LPIN2: variants seen among roughly 807,000 people sequenced by gnomAD.
LPIN2 encodes the protein phosphatidate phosphatase LPIN2.
Under a neutral mutation model 111.4 loss-of-function variants are expected in LPIN2, and 55 were observed. That is an observed-to-expected ratio of 0.49 (90% CI 0.40 to 0.62). The LOEUF (loss-of-function observed/expected upper bound fraction) is 0.62, where lower values mean the gene tolerates loss of function less well. Among genes scored for constraint, LPIN2 ranks in the 20% least tolerant of loss-of-function variants. The pLI, the probability that LPIN2 is intolerant of heterozygous loss-of-function variation, is 0.00. For synonymous variants in LPIN2, 425 were observed against 414.0 expected, an observed-to-expected ratio of 1.03 and a Z score of -0.32; for missense variants, 992 against 1,112.1, an observed-to-expected ratio of 0.89 and a Z score of 1.54.
intron 1 of LPIN2, chr18:2,990,846 C>T (rs2078254744): frequency 2.3e-6 from 1 of 435,314 alleles, no homozygotes; most frequent in South Asian, 1.8e-5. Context: ...CTGTTCCCCG[C>T]CGGCAGGGAC....
intron 1 of LPIN2, among the ~76,000 whole-genome samples, chr18:2,999,335 G>A (rs1269996208): frequency 6.6e-6 from 1 of 151,968 alleles, no homozygotes; most frequent in South Asian, 2.1e-4. Flanking sequence ...CGTGGCCCAC[G>A]CCTGTAATCC....
rs544570644 is a variant in LPIN2, at chr18:2,918,779, C to T, written c.*1514G>A. Reference sequence around the variant, plus strand: ...CTCCAATCTGGAAAAATAACCACCCCTATTTCTCTATCTCTAGATCAGCAT... The same window carrying T: ...CTCCAATCTGGAAAAATAACCACCCTTATTTCTCTATCTCTAGATCAGCAT... On this transcript the variant is annotated 3_prime_UTR_variant, in exon 20 of 20. Coordinates refer to ENST00000677752, the MANE Select transcript of LPIN2 (RefSeq NM_001375808.2). The T allele has an allele frequency of 6.6e-6, 1 of 152,206 alleles. No homozygotes were observed. The highest frequency in any genetic ancestry group is 1.5e-5 in the Non-Finnish European group (1 of 68,042). The allele number at this position is 152,206 out of a possible 1,614,324, so 9.4% of individuals were successfully genotyped here.
intron 1 of LPIN2, among the ~76,000 whole-genome samples, chr18:2,984,051 T>C (rs1256788279): frequency 6.6e-6 from 1 of 152,242 alleles, no homozygotes; most frequent in African/African-American, 2.4e-5. Context: ...AACCTTCACA[T>C]TAAACCCTTT....
intron 1 of LPIN2, among the ~76,000 whole-genome samples, chr18:3,000,409 A>G (rs2143469730): frequency 6.6e-6 from 1 of 152,376 alleles, no homozygotes; most frequent in South Asian, 2.1e-4. Context: ...GCCCAGCTCA[A>G]AGGATAAAGA....
intron 7 of LPIN2, among the ~76,000 whole-genome samples, chr18:2,936,343 C>T (rs1234951583): frequency 6.6e-6 from 1 of 152,106 alleles, no homozygotes; most frequent in Non-Finnish European, 1.5e-5. Flanking sequence ...CCCACTGTAC[C>T]AAGTATCGAT....
At chr18:2,941,519 C>T (rs1286584721) in intron 4 of LPIN2, among the ~76,000 whole-genome samples, 3 of 152,192 alleles carry the variant, frequency 2.0e-5, no homozygotes, top group Non-Finnish European at 4.4e-5. Flanking sequence ...ACTGTGGGCC[C>T]CCGTTTTCAT....
rs762717936 is a variant in LPIN2 at position 2,954,512 on chromosome 18, C to T, written c.280G>A (p.Glu94Lys). The change falls in exon 3 of 20, where the codon GAA (glutamate) becomes AAA (lysine). Residue 94 changes from glutamate (E) to lysine (K), a missense_variant. This residue lies in a region of LPIN2 where 709 missense variants were observed against 753.2 expected (regional missense o/e 0.94). Transcript: ENST00000677752. ...AACCCATGCAAACTTACATATTCTT[C>T]TTCAGTCTCCTCAACAAAGAAAGCT... ...GEAFFVEETE[E>K]EYEKLPAYLA... is the part of the protein sequence containing the mutation. The T allele has an allele frequency of 2.5e-6, 4 of 1,612,796 alleles. No individual in the cohort carries two copies. The highest frequency in any genetic ancestry group is 1.3e-5 in the African/African-American group (1 of 74,912).
intron 1 of LPIN2, among the ~76,000 whole-genome samples, chr18:2,966,483 C>T (rs2077806154): frequency 6.6e-6 from 1 of 152,124 alleles, no homozygotes; most frequent in Non-Finnish European, 1.5e-5. Flanking sequence ...TCAGAAATAT[C>T]CAAGGTCAGC....
At chr18:2,926,058 T>C (rs3897688) in intron 13 of LPIN2, among the ~76,000 whole-genome samples, 50,594 of 151,688 alleles carry the variant, frequency 0.33, 9,042 homozygotes, top group East Asian at 0.6. Flanking sequence ...GGCAGGATTG[T>C]ATGAGCCGAG....
chr18:2,921,307 G>T, intron 18 of LPIN2: 1 of 602,812 alleles, frequency 1.7e-6, no homozygotes, highest in East Asian at 2.8e-5. Context: ...CCACAGAAAC[G>T]ATGGAAAAGC....
rs1393947032 is a variant in LPIN2 at position 2,966,285 on chromosome 18, TTTC to T, written c.-9-5439_-9-5437del. On this transcript the variant is annotated intron_variant, in intron 1 of 19. Transcript: ENST00000677752. ...ACTATTTTAAGTGTTTCAAAATCTGTTTCTTAAGTTTATCTCCAAATATCTAAT... is the reference window on the plus strand; with the variant it reads ...ACTATTTTAAGTGTTTCAAAATCTGTTTAAGTTTATCTCCAAATATCTAAT... Among the ~76,000 whole-genome samples, 8 of 152,260 alleles carry T rather than the reference TTTC, an allele frequency of 5.3e-5. No individual in the cohort carries two copies. The South Asian group carries it at 1.0e-3, about 20-fold the overall frequency.
At chr18:2,980,420 A>G (rs1433218634) in intron 1 of LPIN2, among the ~76,000 whole-genome samples, 1 of 152,146 alleles carries the variant, frequency 6.6e-6, no homozygotes, top group Non-Finnish European at 1.5e-5. Context: ...AGCAATCAGT[A>G]ATGACAACGT....
intron 3 of LPIN2, 144 bp from the exon 4 acceptor site, chr18:2,951,500 T>G (rs2077537412): frequency 1.3e-6 from 1 of 741,094 alleles, no homozygotes. Flanking sequence ...CCCACTGAAC[T>G]AAGGCACTGC....
chr18:2,985,253 C>A (rs946766230), intron 1 of LPIN2: 1 of 152,192 alleles, frequency 6.6e-6, no homozygotes, highest in African/African-American at 2.4e-5. Context: ...TCCACCCCCA[C>A]CATCTGCAAG....
At position 2,970,097 on chromosome 18, in the gene LPIN2, TC is replaced by T. The variant is rs1345212514; in HGVS notation, c.-9-9249del. 6.6e-5 allele frequency among the ~76,000 whole-genome samples: 10 copies of T among 152,338 alleles called. No homozygotes were observed. The South Asian group carries it at 2.1e-3, about 32-fold the overall frequency. Reference sequence around the variant, plus strand: ...GAAGACTGCTTGCCTAAGGACCCCTTCCACAATTACAACCAAATATTACTCA... The same window carrying T: ...GAAGACTGCTTGCCTAAGGACCCCTTCACAATTACAACCAAATATTACTCA... On this transcript the variant is annotated intron_variant, in intron 1 of 19. Coordinates refer to ENST00000677752, the MANE Select transcript of LPIN2 (RefSeq NM_001375808.2).
At chr18:2,934,736 C>CT (rs1006387349) in intron 7 of LPIN2, among the ~76,000 whole-genome samples, 5 of 152,100 alleles carry the variant, frequency 3.3e-5, no homozygotes, top group Non-Finnish European at 1.5e-5. Flanking sequence ...ATGGTGAAGT[C>CT]TTTTTTGTAT....
chr18:2,925,057 T>C lies in LPIN2; in HGVS notation c.1938+167A>G, dbSNP rs1056111111. ...CCACAGGTTCCCCAGGTGGGCCTGA[T>C]AGCTCTTGGGGGCGGCGGTCGTGGT... On this transcript the variant is annotated intron_variant, in intron 14 of 19. Transcript: ENST00000677752. The surrounding 1 kb of genome is among the most constrained non-coding windows in gnomAD (Gnocchi z 4.1). 2.0e-5 allele frequency among the ~76,000 whole-genome samples: 3 copies of C among 152,176 alleles called. No homozygotes were observed. Among genetic ancestry groups the C allele is most frequent in the Admixed American group, 6.5e-5 (1 of 15,280 alleles).
chr18:2,946,436 T>C, intron 4 of LPIN2: 1 of 1,447,562 alleles, frequency 6.9e-7, no homozygotes, highest in Non-Finnish European at 9.7e-7. Context: ...TAATGCATCG[T>C]GAAAGACTGG....
At position 2,954,573 on chromosome 18, in the gene LPIN2, T is replaced by C. The variant is rs1255017503; in HGVS notation, c.219A>G (p.Ala73=). ...CACCCAACTTCATGTGAAGATCCAC[T>C]GCACTGCCGTTGATTTCTATATCAA... ...KVIDIEINGS[A]VDLHMKLGDN... The change falls in exon 3 of 20, where the codon GCA becomes GCG. Residue 73 remains alanine (A), a synonymous_variant. Coordinates refer to ENST00000677752, the MANE Select transcript of LPIN2 (RefSeq NM_001375808.2). 1.2e-6 allele frequency: 2 copies of C among 1,613,228 alleles called. No homozygotes were observed. The highest frequency in any genetic ancestry group is 1.7e-5 in the Admixed American group (1 of 60,034).
Sources: gnomAD v4.1 joint callset for allele counts (sites outside exome capture counted in the v4.1 genomes callset) on GRCh38, gnomAD v4.1.1 for gene constraint, gnomAD v4.1.1 regional missense constraint, Gnocchi (gnomAD v3.1) non-coding constraint, MANE v1.5 for transcripts, NCBI Gene and HGNC (gene_info 2026-07-23, HGNC 2026-07-21) for gene names.